The following UBAP2 variants were observed in gnomAD, a reference collection of about 807,000 sequenced individuals.
The protein encoded by UBAP2 is ubiquitin associated protein 2, also known as ubiquitin-associated protein 2.
In UBAP2, 75 loss-of-function variants were observed where a neutral mutation model predicts 139.6. That is an observed-to-expected ratio of 0.54 (90% CI 0.45 to 0.65). The LOEUF (loss-of-function observed/expected upper bound fraction) is 0.65. Among genes scored for constraint, UBAP2 ranks in the 30% least tolerant of loss-of-function variants. The pLI is 0.00. For synonymous variants in UBAP2, 526 were observed against 526.2 expected (o/e 1.00, Z 0.01); for missense variants, 1,368 against 1,369.6 (o/e 1.00, Z 0.02).
rs1824063668 is a variant in UBAP2, at chr9:34,014,392, AG to A, written c.99+2657del. On this transcript the variant is annotated intron_variant, in intron 2 of 28. Coordinates refer to ENST00000379238, the MANE Select transcript of UBAP2 (RefSeq NM_001370062.2). ...ACGCCTATAATCACAGCACCTTTGA[AG>A]GCTAAGGGGGCAGTCACTTGGGCTC... Among the ~76,000 whole-genome samples, 4 of 147,644 alleles carry A rather than the reference AG, an allele frequency of 2.7e-5. No individual in the cohort carries two copies. The South Asian group carries it at 6.4e-4, about 24-fold the overall frequency.
intron 2 of UBAP2, among the ~76,000 whole-genome samples, chr9:33,999,996 G>A (rs1470438038): frequency 6.6e-6 from 1 of 151,890 alleles, no homozygotes; most frequent in Non-Finnish European, 1.5e-5. Flanking sequence ...CGCCCAGGCT[G>A]GAGTGCACTG....
rs1382404136 is a variant in UBAP2 at position 33,948,536 on chromosome 9, T to C, written c.1108A>G (p.Asn370Asp). The change falls in exon 13 of 29, where the codon AAC becomes GAC. Residue 370 changes from asparagine to aspartate, a missense_variant. By Grantham distance (23) the Asn-to-Asp change is conservative (BLOSUM62 1). Transcript: ENST00000379238. Reference sequence around the variant, plus strand: ...TCCAAAATCTGGGAGCTGGTGATGTTTGCCATTTTTGGTGGTGCAAGCTCT... The same window carrying C: ...TCCAAAATCTGGGAGCTGGTGATGTCTGCCATTTTTGGTGGTGCAAGCTCT... ...FGELAPPKMA[N>D]ITSSQILDQL... The C allele has an allele frequency of 6.2e-7, 1 of 1,614,212 alleles. No individual in the cohort carries two copies. The highest frequency in any genetic ancestry group is 2.2e-5 in the East Asian group (1 of 44,890).
intron 1 of UBAP2, among the ~76,000 whole-genome samples, chr9:34,038,917 C>A (rs1427560078): frequency 7.7e-6 from 1 of 129,318 alleles, no homozygotes. Context: ...ATGTGGGGAG[C>A]GCCTCTGCCC....
At chr9:33,997,892 A>C (rs1587634419) in intron 3 of UBAP2, 1 of 152,328 alleles carries the variant, frequency 6.6e-6, no homozygotes, top group Middle Eastern at 3.4e-3. Context: ...TTTACTCCAA[A>C]GAACAATTAT....
intron 6 of UBAP2, among the ~76,000 whole-genome samples, chr9:33,979,521 G>C (rs1359285974): frequency 6.6e-6 from 1 of 151,970 alleles, no homozygotes; most frequent in Non-Finnish European, 1.5e-5. Context: ...GTTGCGGTGA[G>C]CCAAGATCCC....
intron 10 of UBAP2, among the ~76,000 whole-genome samples, chr9:33,957,270 A>G (rs1363358351): frequency 6.6e-6 from 1 of 152,186 alleles, no homozygotes; most frequent in Non-Finnish European, 1.5e-5. Context: ...AACACATCCA[A>G]TAAACCGCAA....
At chr9:33,945,620 A>T (rs1825603222) in intron 13 of UBAP2, among the ~76,000 whole-genome samples, 3 of 152,230 alleles carry the variant, frequency 2.0e-5, no homozygotes, top group South Asian at 4.1e-4. Flanking sequence ...GTTTTCCTGA[A>T]TGTCTCTTTC....
chr9:33,926,837 C>A (rs1823474667), intron 21 of UBAP2, 152 bp downstream of exon 21: 1 of 958,922 alleles, frequency 1.0e-6, no homozygotes, highest in Non-Finnish European at 1.6e-6. Context: ...TGGAAGAAGA[C>A]CACCAGGGCT....
At chr9:33,960,796 G>T in intron 10 of UBAP2, 30 bp downstream of exon 10, 4 of 1,428,014 alleles carry the variant, frequency 2.8e-6, no homozygotes, top group Admixed American at 2.2e-5. Context: ...AAAAAAAAAA[G>T]AAAGGTCTCA....
intron 4 of UBAP2, among the ~76,000 whole-genome samples, chr9:33,992,957 C>T (rs74365426): frequency 0.012 from 1,770 of 152,254 alleles, 33 homozygotes; most frequent in African/African-American, 0.04. Context: ...TCAAAAATTA[C>T]TCTCCCACCA....
rs774899812 is a variant in UBAP2, at chr9:33,933,502, G to A, written c.2096C>T (p.Ser699Phe). ...HTGDLTSSPL[S>F]QLSSSLSSHQ... ...ACCTTCCCCATACCTGCTAAGCTGA[G>A]AGAGAGGGCTGCTAGTCAGGTCGCC... The change falls in exon 18 of 29, where the codon TCT (serine) becomes TTT (phenylalanine). Residue 699 changes from serine (S) to phenylalanine (F), a missense_variant. Physicochemically the swap from Ser to Phe is radical, Grantham distance 155. Transcript: ENST00000379238. The A allele has an allele frequency of 1.2e-6, 2 of 1,613,840 alleles. No homozygotes were observed. The highest frequency in any genetic ancestry group is 1.7e-6 in the Non-Finnish European group (2 of 1,179,962).
chr9:33,962,310 T>A (rs192246170), intron 9 of UBAP2, among the ~76,000 whole-genome samples: 39 of 152,330 alleles, frequency 2.6e-4, no homozygotes, highest in Admixed American at 6.5e-4. Context: ...ATACATGATA[T>A]GTAGTAAGAA....
chr9:33,927,223 T>C (rs1823519935), intron 20 of UBAP2, 143 bp from the exon 21 acceptor site: 2 of 635,122 alleles, frequency 3.1e-6, no homozygotes, highest in Non-Finnish European at 5.5e-6. Flanking sequence ...CAGAGGGTCA[T>C]TCTACAAAGC....
At chr9:33,941,617 T>C (rs1225387678) in intron 16 of UBAP2, 32 bp downstream of exon 16, 9 of 1,555,250 alleles carry the variant, frequency 5.8e-6, no homozygotes, top group Non-Finnish European at 8.0e-6. Context: ...AAGACGGACA[T>C]CTTCTGAGAA....
At chr9:34,029,997 AAAAG>A (rs975230535) in intron 1 of UBAP2, among the ~76,000 whole-genome samples, 4 of 150,806 alleles carry the variant, frequency 2.7e-5, no homozygotes, top group Non-Finnish European at 5.9e-5. Context: ...GAAAAAAAAA[AAAAG>A]AAAGAAATAC....
chr9:33,988,082 G>A (rs1264229851), intron 5 of UBAP2, among the ~76,000 whole-genome samples: 2 of 152,106 alleles, frequency 1.3e-5, no homozygotes, highest in African/African-American at 2.4e-5. Flanking sequence ...AAATTTGCCA[G>A]ACCTCTTCCC....
At chr9:33,979,500 G>A (rs528278354) in intron 6 of UBAP2, among the ~76,000 whole-genome samples, 40 of 150,500 alleles carry the variant, frequency 2.7e-4, no homozygotes, top group Non-Finnish European at 4.9e-4. Context: ...GCTTGAACCC[G>A]GGAGGCGGAG....
chr9:33,973,234 A>G lies in UBAP2; in HGVS notation c.524T>C (p.Phe175Ser). ...TGCCCCTCTCCCTCTGCCACGTCCA[A>G]ATCCTTTAAAAAAACACACAATTAT... is the stretch of plus-strand genomic sequence containing the variant. ...DRGKRARGRG[F>S]GRGRGRGAGR... The change falls in exon 7 of 29, where the codon TTT becomes TCT. Residue 175 changes from phenylalanine to serine, a missense_variant. Coordinates refer to ENST00000379238, the MANE Select transcript of UBAP2 (RefSeq NM_001370062.2). 1.2e-6 allele frequency: 2 copies of G among 1,613,952 alleles called. No homozygotes were observed. The highest frequency in any genetic ancestry group is 1.7e-6 in the Non-Finnish European group (2 of 1,179,924).
intron 4 of UBAP2, chr9:33,995,006 CT>C (rs1822030448): frequency 6.6e-6 from 1 of 152,102 alleles, no homozygotes. Context: ...TTTGTATCCT[CT>C]TTTAGGTGAG....
Sources: allele counts gnomAD v4.1 joint callset (sites outside exome capture counted in the v4.1 genomes callset), GRCh38; gene constraint gnomAD v4.1.1; transcripts MANE v1.5; gene names NCBI Gene and HGNC (gene_info 2026-07-23, HGNC 2026-07-21).